TBCK: variants seen among roughly 807,000 people sequenced by gnomAD.
The protein encoded by TBCK is TBC1 domain containing kinase, also known as TBC domain-containing protein kinase-like protein.
A neutral mutation model predicts 113.4 loss-of-function variants in TBCK; 99 were observed. The ratio of observed to expected loss-of-function variants is 0.87; its 90% confidence interval spans 0.74 to 1.03. TBCK has a LOEUF of 1.03. Ranked by LOEUF, TBCK falls within the 50% of genes least tolerant of loss-of-function variation. The pLI is 0.00. For missense variants in TBCK, 1,045 were observed against 1,061.3 expected (o/e 0.98, Z 0.21); for synonymous variants, 369 against 370.8 (o/e 1.00, Z 0.05).
At chr4:106,285,334 T>A (rs1391857542) in intron 3 of TBCK, among the ~76,000 whole-genome samples, 1 of 152,142 alleles carries the variant, frequency 6.6e-6, no homozygotes, top group South Asian at 2.1e-4. Flanking sequence ...CGGCCGTTAA[T>A]ACTAAGAGAG....
At chr4:106,293,367 T>TCC (rs1765925206) in intron 3 of TBCK, among the ~76,000 whole-genome samples, 1 of 152,076 alleles carries the variant, frequency 6.6e-6, no homozygotes, top group South Asian at 2.1e-4. Context: ...TCTCCCATCA[T>TCC]CCCCACATAG....
chr4:106,281,922 A>G (rs1338012122), intron 3 of TBCK, among the ~76,000 whole-genome samples: 1 of 152,116 alleles, frequency 6.6e-6, no homozygotes, highest in Non-Finnish European at 1.5e-5. Context: ...GCCTCGTAGA[A>G]TGAGCTTAGA....
At chr4:106,110,087 G>T (rs1176569583) in intron 24 of TBCK, among the ~76,000 whole-genome samples, 1 of 152,192 alleles carries the variant, frequency 6.6e-6, no homozygotes, top group East Asian at 1.9e-4. Context: ...TCCAGGGAGG[G>T]TGACCATGTT....
chr4:106,055,697 A>T (rs2149451444), intron 25 of TBCK, among the ~76,000 whole-genome samples: 1 of 151,144 alleles, frequency 6.6e-6, no homozygotes. Flanking sequence ...CACTTATGCA[A>T]TTTTTTTCTT....
chr4:106,100,447 G>A (rs994024764), intron 24 of TBCK, among the ~76,000 whole-genome samples: 2 of 152,142 alleles, frequency 1.3e-5, no homozygotes, highest in African/African-American at 4.8e-5. Context: ...CACACTTTGA[G>A]AAAAGGGAAA....
rs759330691 is a variant in TBCK, at chr4:106,212,777, A to T, written c.1833T>A (p.His611Gln). ...IAFHDPELSN[H>Q]LNEIGFIPDL... ...CTGGAATGAAACCAATCTCATTGAG[A>T]TGATTACTCAGCTCTGGATCATGAA... Residue 611 changes from histidine to glutamine, a missense_variant, in exon 20 of 26, where the codon CAT becomes CAA. His to Gln is a conservative substitution (Grantham distance 24, BLOSUM62 0). Transcript: ENST00000394708. 6 of 1,612,108 alleles carry T rather than the reference A, an allele frequency of 3.7e-6. No homozygotes were observed. In the South Asian group the frequency reaches 5.5e-5, roughly 15 times the overall value.
intron 24 of TBCK, among the ~76,000 whole-genome samples, chr4:106,097,800 G>C (rs1295722613): frequency 2.0e-5 from 3 of 151,936 alleles, no homozygotes; most frequent in African/African-American, 4.8e-5. Flanking sequence ...TTCATAATCA[G>C]AATAAAATAT....
rs751273605 is a variant in TBCK at position 106,244,672 on chromosome 4, T to C, written c.1024A>G (p.Asn342Asp). The C allele has an allele frequency of 6.2e-7, 1 of 1,612,648 alleles. No individual in the cohort carries two copies. The highest frequency in any genetic ancestry group is 8.5e-7 in the Non-Finnish European group (1 of 1,179,312). ...GGTTTGGATCGAATGATTTCCTTGT[T>C]GACAAGCTCTTTCTCCAAGTCACCT... ...AGGDLEKELV[N>D]KEIIRSKPPI... Residue 342 changes from asparagine (N) to aspartate (D), a missense_variant, in exon 11 of 26, where the codon AAC (asparagine) becomes GAC (aspartate). Transcript: ENST00000394708.
rs141405895 is a variant in TBCK, at chr4:106,134,366, G to A, written c.2236-17988C>T. 2.4e-3 allele frequency among the ~76,000 whole-genome samples: 363 copies of A among 152,254 alleles called. 1 individual carries two copies. The highest frequency in any genetic ancestry group is 8.2e-3 in the African/African-American group (341 of 41,546). On this transcript the variant is annotated intron_variant, in intron 23 of 25. Coordinates refer to ENST00000394708, the MANE Select transcript of TBCK (RefSeq NM_001163435.3). The stretch of plus-strand genomic sequence containing the variant: ...TAAAAGGTTTGATAAATGAATGTAT[G>A]TATAAAAGCATGCTGAGTGATGTTG...
At chr4:106,232,849 G>A (rs1759017490) in intron 17 of TBCK, 89 bp downstream of exon 17, 5 of 1,283,270 alleles carry the variant, frequency 3.9e-6, no homozygotes, top group Non-Finnish European at 5.4e-6. Flanking sequence ...CCAAAGACAA[G>A]GATGTTTAGA....
chr4:106,227,690 A>G (rs935607559), intron 19 of TBCK, among the ~76,000 whole-genome samples: 20 of 152,038 alleles, frequency 1.3e-4, no homozygotes, highest in Non-Finnish European at 2.7e-4. Flanking sequence ...AGAATTATAT[A>G]TAGTTAAAAA....
At chr4:106,221,951 AC>A (rs915569398) in intron 19 of TBCK, among the ~76,000 whole-genome samples, 1 of 152,122 alleles carries the variant, frequency 6.6e-6, no homozygotes, top group Non-Finnish European at 1.5e-5. Context: ...CTGTACATGT[AC>A]CCTGAATCTA....
intron 23 of TBCK, among the ~76,000 whole-genome samples, chr4:106,119,896 G>A (rs576618753): frequency 2.6e-4 from 39 of 150,584 alleles, no homozygotes; most frequent in Non-Finnish European, 5.3e-4. Flanking sequence ...AAGGTACATG[G>A]AAAAAAAAAT....
chr4:106,205,130 G>C (rs768947736), intron 20 of TBCK, among the ~76,000 whole-genome samples: 2 of 152,286 alleles, frequency 1.3e-5, no homozygotes, highest in South Asian at 4.1e-4. Flanking sequence ...AGAGCTTTTA[G>C]GCGAAGATTA....
rs1734099732 is a variant in TBCK, at chr4:106,045,058, T to TTTC, written c.*1511_*1512insGAA. Reference sequence around the variant, plus strand: ...TTTCTGAAATGGGAATGTATCTTTCTTTTTTTTTTTTTTTTTGAGATGGCA... The same window carrying TTTC: ...TTTCTGAAATGGGAATGTATCTTTCTTTCTTTTTTTTTTTTTTTTGAGATGGCA... On this transcript the variant is annotated 3_prime_UTR_variant, in exon 26 of 26. Transcript: ENST00000394708. 1 of 51,966 alleles carries TTTC rather than the reference T, an allele frequency of 1.9e-5. No individual in the cohort carries two copies. Among genetic ancestry groups the TTTC allele is most frequent in the African/African-American group, 8.4e-5 (1 of 11,958 alleles). 3.2% of individuals were successfully genotyped at this position (51,966 alleles called of 1,614,324 possible).
chr4:106,231,887 T>G, intron 17 of TBCK, 108 bp from the exon 18 acceptor site: 1 of 967,346 alleles, frequency 1.0e-6, no homozygotes, highest in East Asian at 2.6e-5. Flanking sequence ...GATTAAACAT[T>G]AGAAGTATTA....
At chr4:106,233,463 A>G (rs1338019202) in intron 16 of TBCK, 125 bp downstream of exon 16, 1 of 722,600 alleles carries the variant, frequency 1.4e-6, no homozygotes, top group African/African-American at 1.8e-5. Context: ...TGGTTTCTCT[A>G]ACAATATATG....
At chr4:106,257,023 T>C (rs1393761056) in intron 5 of TBCK, among the ~76,000 whole-genome samples, 1 of 152,130 alleles carries the variant, frequency 6.6e-6, no homozygotes, top group Non-Finnish European at 1.5e-5. Flanking sequence ...ATAGAGGATA[T>C]ACTCAGTATA....
intron 25 of TBCK, among the ~76,000 whole-genome samples, chr4:106,078,066 C>T (rs1242657448): frequency 6.6e-6 from 1 of 152,040 alleles, no homozygotes; most frequent in Non-Finnish European, 1.5e-5. Flanking sequence ...AAAATTAAGG[C>T]AGAAATCAAA....
Sources: gnomAD v4.1 joint callset for allele counts (sites outside exome capture counted in the v4.1 genomes callset) on GRCh38, gnomAD v4.1.1 for gene constraint, MANE v1.5 for transcripts, NCBI Gene and HGNC (gene_info 2026-07-23, HGNC 2026-07-21) for gene names.